Variants in SFSWAP observed in about 807,000 individuals in gnomAD.
The protein encoded by SFSWAP is splicing factor SWAP.
In SFSWAP, 17 loss-of-function variants were observed where a neutral mutation model predicts 100.7. That is an observed-to-expected ratio of 0.17 (90% CI 0.12 to 0.25). SFSWAP has a LOEUF of 0.25. Among genes scored for constraint, SFSWAP ranks in the 10% least tolerant of loss-of-function variants. The pLI, the probability that SFSWAP is intolerant of heterozygous loss-of-function variation, is 1.00. For synonymous variants in SFSWAP, 504 were observed against 510.1 expected, an observed-to-expected ratio of 0.99 and a Z score of 0.16; for missense variants, 1,005 against 1,262.6, an observed-to-expected ratio of 0.80 and a Z score of 3.09.
At position 131,739,536 on chromosome 12, in the gene SFSWAP, C is replaced by CTTTTT. The variant is rs777610140; in HGVS notation, c.1081+11132_1081+11136dup. 1.0e-3 allele frequency among the ~76,000 whole-genome samples: 61 copies of CTTTTT among 60,878 alleles called. 4 individuals are homozygous for CTTTTT. The highest frequency in any genetic ancestry group is 1.6e-3 in the Non-Finnish European group (49 of 30,538). The allele number at this position is 60,878 out of a possible 152,430, so 39.9% of individuals were successfully genotyped here. ...TTTGCATTCTATTATTCCCCAGTTGCTTTTTTTTTTTTTTTTTTTTTTTTT... is the reference window on the plus strand; with the variant it reads ...TTTGCATTCTATTATTCCCCAGTTGCTTTTTTTTTTTTTTTTTTTTTTTTTTTTTT... On this transcript the variant is annotated intron_variant, in intron 7 of 17. Transcript: ENST00000261674.
intron 3 of SFSWAP, 66 bp from the exon 4 acceptor site, chr12:131,719,388 G>A: frequency 2.6e-6 from 3 of 1,149,192 alleles, no homozygotes; most frequent in Non-Finnish European, 3.9e-6. Context: ...CCATCTTGCT[G>A]CCTGCTGTTA....
intron 7 of SFSWAP, among the ~76,000 whole-genome samples, chr12:131,749,506 G>GTACAACATACAAGGGGCTGTA (rs1286822612): frequency 1.3e-5 from 2 of 152,226 alleles, no homozygotes; most frequent in Non-Finnish European, 2.9e-5. Flanking sequence ...GAATTGCTGT[G>GTACAACATACAAGGGGCTGTA]TACAACATAC....
intron 7 of SFSWAP, among the ~76,000 whole-genome samples, chr12:131,738,441 A>G (rs966229055): frequency 2.0e-5 from 3 of 152,254 alleles, no homozygotes; most frequent in Admixed American, 6.5e-5. Flanking sequence ...ATCTTTATGC[A>G]CGAATATCAA....
intron 7 of SFSWAP, among the ~76,000 whole-genome samples, chr12:131,742,512 C>T (rs942958725): frequency 2.0e-5 from 3 of 151,854 alleles, no homozygotes; most frequent in Non-Finnish European, 2.9e-5. Context: ...ATGCCCAAAA[C>T]GGATTCATTT....
chr12:131,792,259 C>T (rs1885303100), intron 15 of SFSWAP, among the ~76,000 whole-genome samples: 1 of 149,632 alleles, frequency 6.7e-6, no homozygotes, highest in Admixed American at 6.6e-5. Context: ...CAGACCAGTA[C>T]TGTGTGTGCA....
chr12:131,741,901 G>A (rs1465595664), intron 7 of SFSWAP, among the ~76,000 whole-genome samples: 1 of 152,012 alleles, frequency 6.6e-6, no homozygotes, highest in Admixed American at 6.6e-5. Context: ...GCTTTTCCTG[G>A]GGGCGTGTGC....
At chr12:131,785,346 G>GAGT in intron 14 of SFSWAP, 2 of 905,118 alleles carry the variant, frequency 2.2e-6, no homozygotes, top group Non-Finnish European at 3.3e-6. Context: ...CAGGATGCCG[G>GAGT]GGTCTGAGTG....
rs1882976037 is a variant in SFSWAP, at chr12:131,764,827, G to A, written c.1951+141G>A. ...GACCTATTTGGGAGTTGTGTAACAT[G>A]TCTGAGGTTTTGAAACGTTCTCTTT... is the stretch of plus-strand genomic sequence containing the variant. On this transcript the variant is annotated intron_variant, in intron 12 of 17. Transcript: ENST00000261674. The A allele has an allele frequency of 8.1e-5, 52 of 645,942 alleles. 3 individuals carry two copies. The South Asian group carries it at 9.6e-4, about 12-fold the overall frequency. 40.0% of individuals were successfully genotyped at this position (645,942 alleles called of 1,614,324 possible).
At chr12:131,749,614 A>C (rs891872548) in intron 7 of SFSWAP, among the ~76,000 whole-genome samples, 5 of 152,208 alleles carry the variant, frequency 3.3e-5, no homozygotes, top group Admixed American at 2.0e-4. Flanking sequence ...TGGTGCCACC[A>C]TTGTGTGCGG....
At chr12:131,771,736 C>G (rs2136245996) in intron 13 of SFSWAP, among the ~76,000 whole-genome samples, 1 of 147,412 alleles carries the variant, frequency 6.8e-6, no homozygotes, top group Non-Finnish European at 1.5e-5. Flanking sequence ...TCAATTGGCT[C>G]ACTGCAACCT....
intron 15 of SFSWAP, among the ~76,000 whole-genome samples, chr12:131,786,807 C>T (rs567034286): frequency 3.3e-5 from 5 of 152,168 alleles, no homozygotes; most frequent in Admixed American, 1.3e-4. Context: ...ACTTACCCAC[C>T]GGGGCTCTGC....
intron 14 of SFSWAP, chr12:131,785,769 C>T (rs550871792): frequency 6.5e-6 from 1 of 153,310 alleles, no homozygotes; most frequent in South Asian, 2.1e-4. Flanking sequence ...TCTGTGAAAT[C>T]GCATAAACTT....
intron 13 of SFSWAP, among the ~76,000 whole-genome samples, chr12:131,772,507 G>A (rs1456502081): frequency 1.3e-5 from 2 of 152,226 alleles, no homozygotes; most frequent in Non-Finnish European, 2.9e-5. Flanking sequence ...GGCACAGGGG[G>A]TGGCTCGTTT....
chr12:131,718,682 G>T (rs1170601711), intron 3 of SFSWAP, among the ~76,000 whole-genome samples: 2 of 152,212 alleles, frequency 1.3e-5, no homozygotes, highest in Non-Finnish European at 2.9e-5. Flanking sequence ...TCTAGGAATT[G>T]ACTACCTTAT....
At chr12:131,788,531 GTT>G (rs535826920) in intron 15 of SFSWAP, among the ~76,000 whole-genome samples, 2 of 143,878 alleles carry the variant, frequency 1.4e-5, no homozygotes. Context: ...TTTTGGGGGC[GTT>G]TTTTTTTTTT....
chr12:131,723,186 T>G, intron 4 of SFSWAP: 1 of 152,166 alleles, frequency 6.6e-6, no homozygotes, highest in Non-Finnish European at 1.5e-5. Context: ...AGAAGGTGGG[T>G]GGGGAGGGAA....
intron 7 of SFSWAP, among the ~76,000 whole-genome samples, chr12:131,743,043 G>C (rs571920266): frequency 1.3e-5 from 2 of 152,240 alleles, no homozygotes; most frequent in South Asian, 4.2e-4. Flanking sequence ...AATAATGCGG[G>C]AAAGACCCGC....
chr12:131,762,488 A>C (rs1035498815), intron 11 of SFSWAP, among the ~76,000 whole-genome samples: 2 of 152,168 alleles, frequency 1.3e-5, no homozygotes, highest in East Asian at 3.8e-4. Context: ...TAATACTCTT[A>C]TTTGTTGATT....
chr12:131,755,224 A>T (rs1399942357), intron 9 of SFSWAP, among the ~76,000 whole-genome samples, 162 bp from the exon 10 acceptor site: 1 of 152,086 alleles, frequency 6.6e-6, no homozygotes, highest in Non-Finnish European at 1.5e-5. Context: ...AGCGATTTCG[A>T]CCCCCTGTGT....
Sources: allele counts gnomAD v4.1 joint callset (sites outside exome capture counted in the v4.1 genomes callset), GRCh38; gene constraint gnomAD v4.1.1; transcripts MANE v1.5; gene names NCBI Gene and HGNC (gene_info 2026-07-23, HGNC 2026-07-21).